The following GABBR2 variants were observed in gnomAD, a reference collection of about 807,000 sequenced individuals.
The protein encoded by GABBR2 is G-protein coupled receptor 51.
In GABBR2, 23 loss-of-function variants were observed where a neutral mutation model predicts 105.6. The ratio of observed to expected loss-of-function variants is 0.22; its 90% CI spans 0.16 to 0.31. The LOEUF (loss-of-function observed/expected upper bound fraction) is 0.31, where lower values mean the gene tolerates loss of function less well. GABBR2 is among the 10% of genes least tolerant of loss of function. GABBR2 has a pLI of 1.00. For synonymous variants in GABBR2, 478 were observed against 499.7 expected (o/e 0.96, Z 0.58); for missense variants, 734 against 1,245.5 (o/e 0.59, Z 6.18).
chr9:98,537,287 C>T (rs188895884), intron 3 of GABBR2, among the ~76,000 whole-genome samples: 2 of 152,302 alleles, frequency 1.3e-5, no homozygotes, highest in Admixed American at 6.5e-5. Flanking sequence ...AGAAGCCAGA[C>T]GCAAAAGACT....
chr9:98,326,394 C>G (rs1830924911), intron 13 of GABBR2, among the ~76,000 whole-genome samples: 1 of 152,176 alleles, frequency 6.6e-6, no homozygotes, highest in Non-Finnish European at 1.5e-5. Flanking sequence ...CAGGGAGGCT[C>G]AAGGAACTGA....
chr9:98,583,681 C>A (rs1021935676), intron 1 of GABBR2, among the ~76,000 whole-genome samples: 1 of 152,192 alleles, frequency 6.6e-6, no homozygotes, highest in African/African-American at 2.4e-5. Flanking sequence ...ATGAATGTAC[C>A]TGATGATCAA....
chr9:98,679,750 G>A (rs1830517889), intron 1 of GABBR2, among the ~76,000 whole-genome samples: 1 of 152,166 alleles, frequency 6.6e-6, no homozygotes, highest in Non-Finnish European at 1.5e-5. Flanking sequence ...AGACCCTCAT[G>A]GAGAGGTGCC....
At chr9:98,362,664 T>A in intron 13 of GABBR2, 51 bp downstream of exon 13, 1 of 1,425,770 alleles carries the variant, frequency 7.0e-7, no homozygotes, top group Non-Finnish European at 9.3e-7. Flanking sequence ...TGTCCTCATG[T>A]GCCAGGGGCT....
At position 98,454,016 on chromosome 9, in the gene GABBR2, T is replaced by C; in HGVS notation, c.1201A>G (p.Asn401Asp). Residue 401 changes from asparagine to aspartate, a missense_variant, in exon 7 of 19, where the codon AAT becomes GAT. By Grantham distance (23) the Asn-to-Asp change is conservative. Around this residue, in one of 7 missense-constraint regions of GABBR2, gnomAD observed 370 missense variants for 648.9 expected, o/e 0.57. Transcript: ENST00000259455. This position sits in a 1 kb window ranked among gnomAD's most constrained non-coding sequence, Gnocchi z 4.6. ...AAGAAGTTGGTCTCGTTCATGGCAT[T>C]GAGGATGATCCTGCCCAGCGTGTGG... ...TDHTLGRIIL[N>D]AMNETNFFGV... 1 of 1,614,086 alleles carries C rather than the reference T, an allele frequency of 6.2e-7. No homozygotes were observed. The highest frequency in any genetic ancestry group is 2.2e-5 in the East Asian group (1 of 44,880).
chr9:98,401,826 G>T (rs1316573372), intron 8 of GABBR2, among the ~76,000 whole-genome samples: 2 of 152,228 alleles, frequency 1.3e-5, no homozygotes, highest in Non-Finnish European at 2.9e-5. Flanking sequence ...CGGCCAGAGA[G>T]ATTATGAAGC....
At chr9:98,312,876 A>G (rs1490075556) in intron 13 of GABBR2, among the ~76,000 whole-genome samples, 3 of 151,960 alleles carry the variant, frequency 2.0e-5, no homozygotes, top group Non-Finnish European at 4.4e-5. Context: ...CAGCCTCTTG[A>G]GTAGCTGGGA....
At position 98,642,552 on chromosome 9, in the gene GABBR2, T is replaced by G. The variant is rs150669053; in HGVS notation, c.322-64480A>C. 1.9e-3 allele frequency among the ~76,000 whole-genome samples: 295 copies of G among 152,360 alleles called. 3 individuals are homozygous for G. The highest frequency in any genetic ancestry group is 6.4e-3 in the African/African-American group (265 of 41,584). ...TCTGAGGTCTGGTCTAACCTAGCTT[T>G]CTTTCTCATCTCCCACCACTCTGTT... is the stretch of plus-strand genomic sequence containing the variant. On this transcript the variant is annotated intron_variant, in intron 1 of 18. Transcript: ENST00000259455.
At position 98,546,581 on chromosome 9, in the gene GABBR2, G is replaced by A. The variant is rs547425467; in HGVS notation, c.460-4538C>T. ...TTTTGTTTGATACTGTATCACGCTT[G>A]TTATTAATACTGCAACCCTTACTGT... On this transcript the variant is annotated intron_variant, in intron 2 of 18. Coordinates refer to ENST00000259455, the MANE Select transcript of GABBR2 (RefSeq NM_005458.8). Among the ~76,000 whole-genome samples the A allele has an allele frequency of 6.6e-5, 10 of 152,276 alleles. No homozygotes were observed. In the South Asian group the frequency reaches 2.1e-3, roughly 32 times the overall value.
intron 13 of GABBR2, among the ~76,000 whole-genome samples, chr9:98,361,188 C>A (rs943170807): frequency 6.6e-6 from 1 of 152,116 alleles, no homozygotes; most frequent in African/African-American, 2.4e-5. Context: ...CAGGGTTAGG[C>A]AGTAGGTGAG....
At position 98,289,131 on chromosome 9, in the gene GABBR2, C is replaced by T. The variant is rs554815199; in HGVS notation, c.*1453G>A. On this transcript the variant is annotated 3_prime_UTR_variant, in exon 19 of 19. Transcript: ENST00000259455. ...TGCTGGAAGCTTCTCTGGGCCACAC[C>T]CCCGGCTGTAGGGAGGGCTGAAGGT... 2 of 152,690 alleles carry T rather than the reference C, an allele frequency of 1.3e-5. No individual in the cohort carries two copies. Among genetic ancestry groups the T allele is most frequent in the Admixed American group, 6.5e-5 (1 of 15,276 alleles). 9.5% of individuals were successfully genotyped at this position (152,690 alleles called of 1,614,324 possible).
chr9:98,446,247 A>C (rs1691600633), intron 7 of GABBR2, among the ~76,000 whole-genome samples: 1 of 148,990 alleles, frequency 6.7e-6, no homozygotes. Context: ...CTCTTTGTAA[A>C]GTAGCCATTT....
chr9:98,589,818 G>A (rs1829122574), intron 1 of GABBR2, among the ~76,000 whole-genome samples: 1 of 150,828 alleles, frequency 6.6e-6, no homozygotes, highest in Admixed American at 6.6e-5. Flanking sequence ...GGGCTCAAGT[G>A]ATCCTCCCAC....
chr9:98,659,482 T>C (rs1830225232), intron 1 of GABBR2, among the ~76,000 whole-genome samples: 1 of 136,196 alleles, frequency 7.3e-6, no homozygotes, highest in Non-Finnish European at 1.6e-5. Context: ...TATTATTTCT[T>C]CTTCTTTTTT....
intron 11 of GABBR2, among the ~76,000 whole-genome samples, chr9:98,373,851 CTTT>C (rs577915397): frequency 3.5e-5 from 3 of 86,688 alleles, no homozygotes; most frequent in East Asian, 3.7e-4. Flanking sequence ...CAAAGCATTC[CTTT>C]TTTTTTTTTT....
chr9:98,476,907 A>C (rs1588182578), intron 5 of GABBR2, among the ~76,000 whole-genome samples: 2 of 152,368 alleles, frequency 1.3e-5, no homozygotes, highest in Middle Eastern at 6.8e-3. Flanking sequence ...AAAAGCAAGC[A>C]GGCTTTGAGT....
intron 1 of GABBR2, among the ~76,000 whole-genome samples, chr9:98,595,966 C>A (rs1279704507): frequency 1.3e-5 from 2 of 152,192 alleles, no homozygotes; most frequent in East Asian, 3.9e-4. Context: ...CTTTGCCTGG[C>A]CAAGTCCATG....
rs1315322738 is a variant in GABBR2, at chr9:98,635,937, C to T, written c.322-57865G>A. On this transcript the variant is annotated intron_variant, in intron 1 of 18. Coordinates refer to ENST00000259455, the MANE Select transcript of GABBR2 (RefSeq NM_005458.8). ...TCACAACCAGACTCTAGCCTTGCCA[C>T]ACAGTGTCCCTTGCATACCCCACCA... Among the ~76,000 whole-genome samples, 10 of 152,174 alleles carry T rather than the reference C, an allele frequency of 6.6e-5. No homozygotes were observed. The East Asian group carries it at 1.9e-3, about 30-fold the overall frequency.
intron 7 of GABBR2, among the ~76,000 whole-genome samples, chr9:98,453,168 G>C (rs942763909): frequency 6.6e-6 from 1 of 151,952 alleles, no homozygotes; most frequent in South Asian, 2.1e-4. Flanking sequence ...CTGGGATTAC[G>C]GGCATGTGCC....
Sources: allele counts gnomAD v4.1 joint callset (sites outside exome capture counted in the v4.1 genomes callset), GRCh38; gene constraint gnomAD v4.1.1; regional missense constraint gnomAD v4.1.1; non-coding constraint Gnocchi (gnomAD v3.1); transcripts MANE v1.5; gene names NCBI Gene and HGNC (gene_info 2026-07-23, HGNC 2026-07-21).